DOCK3: variants seen among roughly 807,000 people sequenced by gnomAD.
DOCK3 encodes the protein dedicator of cytokinesis protein 3.
A neutral mutation model predicts 265.6 loss-of-function variants in DOCK3; 60 were observed. The ratio of observed to expected loss-of-function variants is 0.23; its 90% CI spans 0.18 to 0.28. The LOEUF is 0.28. Among genes scored for constraint, DOCK3 ranks in the 10% least tolerant of loss-of-function variants. DOCK3 has a pLI of 1.00. For missense variants in DOCK3, 1,981 were observed against 2,594.3 expected, an observed-to-expected ratio of 0.76 and a Z score of 5.14; for synonymous variants, 881 against 938.0, an observed-to-expected ratio of 0.94 and a Z score of 1.11.
At chr3:51,279,763 A>G (rs1012006660) in intron 26 of DOCK3, among the ~76,000 whole-genome samples, 1 of 152,194 alleles carries the variant, frequency 6.6e-6, no homozygotes, top group Non-Finnish European at 1.5e-5. Flanking sequence ...CCCTTTTCCA[A>G]GTATCCTCTA....
At chr3:51,201,092 G>A (rs1288632772) in intron 12 of DOCK3, among the ~76,000 whole-genome samples, 4 of 151,528 alleles carry the variant, frequency 2.6e-5, no homozygotes, top group African/African-American at 4.9e-5. Context: ...AAAGACCATC[G>A]AGACTAGGAA....
intron 12 of DOCK3, among the ~76,000 whole-genome samples, chr3:51,185,217 A>T (rs2087526476): frequency 6.6e-6 from 1 of 152,212 alleles, no homozygotes. Context: ...ATAGTAAATT[A>T]TCAGTATTGG....
At chr3:50,792,581 C>T (rs373219442) in intron 2 of DOCK3, among the ~76,000 whole-genome samples, 3 of 152,124 alleles carry the variant, frequency 2.0e-5, no homozygotes, top group Non-Finnish European at 1.5e-5. Flanking sequence ...ATGACGTTGG[C>T]TGTGGGTTTG....
intron 1 of DOCK3, among the ~76,000 whole-genome samples, chr3:50,740,860 AC>A (rs2038971495): frequency 6.6e-6 from 1 of 152,120 alleles, no homozygotes; most frequent in African/African-American, 2.4e-5. Context: ...GACCATTTTA[AC>A]AATTTTTAAA....
At chr3:51,353,450 A>G (rs1298313670) in intron 40 of DOCK3, among the ~76,000 whole-genome samples, 2 of 152,158 alleles carry the variant, frequency 1.3e-5, no homozygotes, top group Non-Finnish European at 2.9e-5. Flanking sequence ...CATCTTTGCT[A>G]AAAATACAAA....
intron 2 of DOCK3, among the ~76,000 whole-genome samples, chr3:50,831,384 C>T (rs2045158094): frequency 6.6e-6 from 1 of 152,006 alleles, no homozygotes; most frequent in Non-Finnish European, 1.5e-5. Flanking sequence ...CCCTAGTCCC[C>T]CACCCTCTGA....
At chr3:51,001,065 G>C (rs888549895) in intron 5 of DOCK3, among the ~76,000 whole-genome samples, 2 of 152,208 alleles carry the variant, frequency 1.3e-5, no homozygotes, top group Admixed American at 1.3e-4. Flanking sequence ...CTTTTGGATT[G>C]CTCCGAATTT....
chr3:50,968,376 T>G (rs10049105), intron 5 of DOCK3, among the ~76,000 whole-genome samples: 143,449 of 152,186 alleles, frequency 0.94, 68,241 homozygotes, highest in East Asian at 1. Context: ...GTGAAGTTGT[T>G]TTCCATGGAT....
At chr3:51,313,889 G>A (rs1190368318) in intron 31 of DOCK3, among the ~76,000 whole-genome samples, 1 of 152,188 alleles carries the variant, frequency 6.6e-6, no homozygotes, top group Admixed American at 6.5e-5. Context: ...AGGAATGCAA[G>A]AGACTGGCTA....
At chr3:50,901,838 A>G (rs978549363) in intron 4 of DOCK3, among the ~76,000 whole-genome samples, 4 of 152,096 alleles carry the variant, frequency 2.6e-5, no homozygotes, top group Non-Finnish European at 4.4e-5. Flanking sequence ...TGAACCGTGT[A>G]CCTCACTTGG....
chr3:51,181,851 G>A (rs566891166), intron 12 of DOCK3, among the ~76,000 whole-genome samples: 2 of 152,150 alleles, frequency 1.3e-5, no homozygotes, highest in Non-Finnish European at 2.9e-5. Context: ...AAACAGTGCT[G>A]GATGGCACCC....
At chr3:50,718,637 A>G (rs2037275966) in intron 1 of DOCK3, among the ~76,000 whole-genome samples, 1 of 152,092 alleles carries the variant, frequency 6.6e-6, no homozygotes, top group South Asian at 2.1e-4. Flanking sequence ...ATATCTCTGT[A>G]ATTATATTTC....
intron 26 of DOCK3, chr3:51,278,304 G>A (rs1425621574): frequency 1.0e-6 from 1 of 985,246 alleles, no homozygotes; most frequent in African/African-American, 1.7e-5. Flanking sequence ...AAACAAACTG[G>A]GAAGGCTTCT....
chr3:51,195,151 C>T (rs936852614), intron 12 of DOCK3, among the ~76,000 whole-genome samples: 2 of 151,838 alleles, frequency 1.3e-5, no homozygotes, highest in African/African-American at 4.8e-5. Flanking sequence ...AGCAAATAGT[C>T]GGATTGTGGG....
chr3:51,108,440 T>G (rs1280430167), intron 9 of DOCK3, among the ~76,000 whole-genome samples: 1 of 152,110 alleles, frequency 6.6e-6, no homozygotes, highest in Non-Finnish European at 1.5e-5. Context: ...ATACACACAC[T>G]TAGGTACACA....
chr3:51,294,842 A>G (rs1475272338), intron 27 of DOCK3, among the ~76,000 whole-genome samples: 5 of 152,136 alleles, frequency 3.3e-5, no homozygotes, highest in African/African-American at 9.7e-5. Context: ...CATGGTGACA[A>G]TAGTTAATAA....
Position 51,374,711 on chromosome 3 carries a change from C to A in DOCK3, c.5412+124C>A. The A allele has an allele frequency of 2.2e-6, 2 of 922,758 alleles. No homozygotes were observed. Among genetic ancestry groups the A allele is most frequent in the Non-Finnish European group, 1.7e-6 (1 of 602,298 alleles). 57.2% of individuals were successfully genotyped at this position (922,758 alleles called of 1,614,324 possible). ...TCTCTCATTCCGCTGTAAGATCCCG[C>A]AAAAGGCCGCTGGGCTTCTGGATGT... On this transcript the variant is annotated intron_variant, in intron 50 of 52. Coordinates refer to ENST00000266037, the MANE Select transcript of DOCK3 (RefSeq NM_004947.5). The surrounding 1 kb of genome is among the most constrained non-coding windows in gnomAD (Gnocchi z 4.8).
At chr3:50,797,978 C>G (rs767498481) in intron 2 of DOCK3, among the ~76,000 whole-genome samples, 1 of 151,968 alleles carries the variant, frequency 6.6e-6, no homozygotes, top group Non-Finnish European at 1.5e-5. Context: ...GCAAAGAATA[C>G]AAAAAACTGT....
intron 12 of DOCK3, among the ~76,000 whole-genome samples, chr3:51,201,968 A>AAT (rs1233973357): frequency 6.6e-6 from 1 of 152,220 alleles, no homozygotes; most frequent in African/African-American, 2.4e-5. Flanking sequence ...TGTTCTTTGA[A>AAT]ACCAATGAGA....
Sources: allele counts gnomAD v4.1 joint callset (sites outside exome capture counted in the v4.1 genomes callset), GRCh38; gene constraint gnomAD v4.1.1; non-coding constraint Gnocchi (gnomAD v3.1); transcripts MANE v1.5; gene names NCBI Gene and HGNC (gene_info 2026-07-23, HGNC 2026-07-21).